Variants in IQCH observed in about 807,000 individuals in gnomAD.
IQCH encodes the protein IQ motif containing H, also known as IQ domain-containing protein H.
In IQCH, 98 loss-of-function variants were observed where a neutral mutation model predicts 117.0. The ratio of observed to expected loss-of-function variants is 0.84; its 90% CI spans 0.71 to 0.99. The LOEUF is 0.99. Among genes scored for constraint, IQCH ranks in the 50% least tolerant of loss-of-function variants. IQCH has a pLI of 0.00. For missense variants in IQCH, 1,102 were observed against 1,243.8 expected (o/e 0.89, Z 1.72); for synonymous variants, 412 against 448.2 (o/e 0.92, Z 1.02).
intron 14 of IQCH, among the ~76,000 whole-genome samples, chr15:67,414,077 G>A (rs1304686480): frequency 6.6e-6 from 1 of 152,182 alleles, no homozygotes; most frequent in Non-Finnish European, 1.5e-5. Context: ...TTCAGAGGCA[G>A]GGAATCCCAT....
chr15:67,300,769 C>T (rs987093637), intron 4 of IQCH, among the ~76,000 whole-genome samples: 19 of 152,140 alleles, frequency 1.2e-4, no homozygotes, highest in Admixed American at 3.9e-4. Context: ...TTACACACTG[C>T]CTAGTGTTTT....
rs1454568673 is a variant in IQCH, at chr15:67,301,426, T to TTTC, written c.387+21915_387+21916insTCT. ...GTTTTTTTTTTTTTTTTTTTTTTTT[T>TTTC]TGAAACCGAGTCTCATTCTGTTGCC... On this transcript the variant is annotated intron_variant, in intron 4 of 20. Coordinates refer to ENST00000335894, the MANE Select transcript of IQCH (RefSeq NM_001031715.3). 9.1e-5 allele frequency among the ~76,000 whole-genome samples: 13 copies of TTTC among 142,602 alleles called. 2 individuals are homozygous for TTTC. Among genetic ancestry groups the TTTC allele is most frequent in the African/African-American group, 2.6e-4 (10 of 38,188 alleles). The allele number at this position is 142,602 out of a possible 152,430, so 93.6% of individuals were successfully genotyped here. A position where few individuals can be genotyped will look rare whatever the true frequency, so the allele number is the denominator to read the frequency against.
In IQCH at chr15:67,493,270, G is replaced by A. The variant is rs1224996091; in HGVS notation, c.2862-988G>A. On this transcript the variant is annotated intron_variant, in intron 19 of 20. Coordinates refer to ENST00000335894, the MANE Select transcript of IQCH (RefSeq NM_001031715.3). The surrounding 1 kb of genome is among the most constrained non-coding windows in gnomAD (Gnocchi z 5.1). Reference sequence around the variant, plus strand: ...AGATGGGAAACTGAGGCTTAGAGAGGGGCAATGATTTGCCTGGGTCACACA... The same window carrying A: ...AGATGGGAAACTGAGGCTTAGAGAGAGGCAATGATTTGCCTGGGTCACACA... Among the ~76,000 whole-genome samples the A allele has an allele frequency of 1.3e-5, 2 of 152,112 alleles. No homozygotes were observed. The highest frequency in any genetic ancestry group is 2.9e-5 in the Non-Finnish European group (2 of 68,008).
chr15:67,323,756 TATC>T (rs1349002491), intron 4 of IQCH, among the ~76,000 whole-genome samples: 3 of 152,052 alleles, frequency 2.0e-5, no homozygotes, highest in Admixed American at 6.6e-5. Context: ...GTGCTATCGT[TATC>T]ATCTACTTTA....
intron 8 of IQCH, among the ~76,000 whole-genome samples, chr15:67,368,850 G>T (rs1260064645): frequency 3.3e-5 from 5 of 151,932 alleles, no homozygotes; most frequent in African/African-American, 7.3e-5. Flanking sequence ...TTAGAAATGT[G>T]ATTTTCTTTG....
chr15:67,264,483 A>G (rs1965587278), intron 3 of IQCH, among the ~76,000 whole-genome samples: 1 of 152,204 alleles, frequency 6.6e-6, no homozygotes, highest in African/African-American at 2.4e-5. Context: ...TCTGCTTCCA[A>G]GCTCACTCAT....
At chr15:67,377,680 G>A (rs1488402899) in intron 10 of IQCH, among the ~76,000 whole-genome samples, 1 of 152,142 alleles carries the variant, frequency 6.6e-6, no homozygotes, top group Non-Finnish European at 1.5e-5. Flanking sequence ...GGGCTCTGCT[G>A]CTGTGAGCAG....
chr15:67,261,341 C>G lies in IQCH; in HGVS notation c.121C>G (p.Leu41Val), dbSNP rs1965453305. Reference protein sequence around the residue: ...KFSPEEKGETLDIQSLETAIK... With the variant: ...KFSPEEKGETVDIQSLETAIK... ...CTCACCTGAGGAAAAAGGAGAGACT[C>G]TAGACATTCAGAGTCTTGAAACAGC... is the stretch of plus-strand genomic sequence containing the variant. The change falls in exon 2 of 21, where the codon CTA becomes GTA. Residue 41 changes from leucine (L) to valine (V), a missense_variant. This residue lies in a region of IQCH where 452 missense variants were observed against 449.6 expected (regional missense o/e 1.01). Coordinates refer to ENST00000335894, the MANE Select transcript of IQCH (RefSeq NM_001031715.3). The G allele has an allele frequency of 1.3e-6, 2 of 1,593,076 alleles. No individual in the cohort carries two copies. The highest frequency in any genetic ancestry group is 4.5e-5 in the East Asian group (2 of 44,290).
chr15:67,423,214 T>C (rs1282472631), intron 16 of IQCH, among the ~76,000 whole-genome samples: 1 of 152,132 alleles, frequency 6.6e-6, no homozygotes, highest in Non-Finnish European at 1.5e-5. Context: ...GAAATCTGGA[T>C]GGCAGGGATG....
chr15:67,440,931 G>A (rs568654665), intron 16 of IQCH, among the ~76,000 whole-genome samples: 1 of 152,098 alleles, frequency 6.6e-6, no homozygotes, highest in East Asian at 1.9e-4. Context: ...AACTGTCACT[G>A]TTTGCTGACG....
chr15:67,421,240 G>A (rs776928280), intron 15 of IQCH, 51 bp from the exon 16 acceptor site: 6 of 1,515,268 alleles, frequency 4.0e-6, no homozygotes, highest in Non-Finnish European at 5.4e-6. Flanking sequence ...CTGAGCCCAA[G>A]TCAAACAAAA....
chr15:67,261,338 ACT>A lies in IQCH; in HGVS notation c.121_122del (p.Leu41ArgfsTer6). On this transcript the variant is annotated frameshift_variant, in exon 2 of 21. Transcript: ENST00000335894. LOFTEE classifies it high-confidence loss of function. ...TKFSPEEKGE[T>X]LDIQSLETAI... ...ATTCTCACCTGAGGAAAAAGGAGAG[ACT>A]CTAGACATTCAGAGTCTTGAAACAG... 1.9e-6 allele frequency: 3 copies of A among 1,592,906 alleles called. No homozygotes were observed. The highest frequency in any genetic ancestry group is 8.5e-7 in the Non-Finnish European group (1 of 1,172,510).
intron 6 of IQCH, among the ~76,000 whole-genome samples, chr15:67,355,312 C>T (rs1163343151): frequency 6.6e-6 from 1 of 151,994 alleles, no homozygotes; most frequent in Admixed American, 6.6e-5. Flanking sequence ...ACTGGCCGGG[C>T]GCGGTGGCTC....
rs1567110048 is a variant in IQCH at position 67,340,452 on chromosome 15, A to AAAAAAAAAAAAAAAAAAAAAAC, written c.508+3369_508+3370insAAAAAAAAACAAAAAAAAAAAA. ...AAAAAAAAAAAAAAAAAAAAAAAAA[A>AAAAAAAAAAAAAAAAAAAAAAC]AAAAAAAAAAAACAGTAACTTGTCA... On this transcript the variant is annotated intron_variant, in intron 5 of 20. Coordinates refer to ENST00000335894, the MANE Select transcript of IQCH (RefSeq NM_001031715.3). 2.6e-5 allele frequency among the ~76,000 whole-genome samples: 3 copies of AAAAAAAAAAAAAAAAAAAAAAC among 116,212 alleles called. 1 individual carries two copies. Among genetic ancestry groups the AAAAAAAAAAAAAAAAAAAAAAC allele is most frequent in the Admixed American group, 1.1e-4 (1 of 9,380 alleles). The allele number at this position is 116,212 out of a possible 152,430, so 76.2% of individuals were successfully genotyped here.
chr15:67,374,689 A>T (rs1034124815), intron 10 of IQCH, among the ~76,000 whole-genome samples: 1 of 152,166 alleles, frequency 6.6e-6, no homozygotes, highest in Non-Finnish European at 1.5e-5. Context: ...CTTAGGATCT[A>T]AGTGAGGTAT....
chr15:67,439,122 A>G (rs181900616), intron 16 of IQCH, among the ~76,000 whole-genome samples: 69 of 152,340 alleles, frequency 4.5e-4, no homozygotes, highest in African/African-American at 1.6e-3. Flanking sequence ...TCAACAGCGC[A>G]TGGAACTTTC....
intron 13 of IQCH, among the ~76,000 whole-genome samples, chr15:67,399,811 A>C (rs1363800923): frequency 6.6e-6 from 1 of 152,220 alleles, no homozygotes; most frequent in Non-Finnish European, 1.5e-5. Flanking sequence ...ATCAAGATTC[A>C]ATTACAGGCA....
chr15:67,355,415 T>A (rs1352741498), intron 6 of IQCH, among the ~76,000 whole-genome samples: 1 of 151,668 alleles, frequency 6.6e-6, no homozygotes, highest in East Asian at 1.9e-4. Flanking sequence ...TGAAACCCCG[T>A]CTCTACCAAA....
rs768391799 is a variant in IQCH at position 67,426,613 on chromosome 15, AT to A, written c.2505+5037del. 6.9e-4 allele frequency among the ~76,000 whole-genome samples: 80 copies of A among 115,886 alleles called. No homozygotes were observed. The highest frequency in any genetic ancestry group is 4.2e-3 in the Middle Eastern group (1 of 238). 76.0% of individuals were successfully genotyped at this position (115,886 alleles called of 152,430 possible). Reference sequence around the variant, plus strand: ...ATTTAAACTTACAAACTAAAAAAAAATAAAAATAAAAATAAAAATGAAAAGC... The same window carrying A: ...ATTTAAACTTACAAACTAAAAAAAAAAAAAATAAAAATAAAAATGAAAAGC... On this transcript the variant is annotated intron_variant, in intron 16 of 20. Coordinates refer to ENST00000335894, the MANE Select transcript of IQCH (RefSeq NM_001031715.3). The surrounding 1 kb of genome is among the most constrained non-coding windows in gnomAD (Gnocchi z 5.1).
Sources: gnomAD v4.1 joint callset for allele counts (sites outside exome capture counted in the v4.1 genomes callset) on GRCh38, gnomAD v4.1.1 for gene constraint, gnomAD v4.1.1 regional missense constraint, Gnocchi (gnomAD v3.1) non-coding constraint, MANE v1.5 for transcripts, NCBI Gene and HGNC (gene_info 2026-07-23, HGNC 2026-07-21) for gene names.